WWOX: variants seen among roughly 807,000 people sequenced by gnomAD.
WWOX encodes WW domain containing oxidoreductase.
Under a neutral mutation model 46.2 loss-of-function variants are expected in WWOX, and 69 were observed. That is an observed-to-expected ratio of 1.49 (90% CI 1.23 to 1.82). WWOX has a LOEUF of 1.82. WWOX is among the 40% of genes most tolerant of loss of function. The pLI, the probability that WWOX is intolerant of heterozygous loss-of-function variation, is 0.00. For synonymous variants in WWOX, 359 were observed against 202.6 expected, an observed-to-expected ratio of 1.77 and a Z score of -6.56; for missense variants, 919 against 542.6, an observed-to-expected ratio of 1.69 and a Z score of -6.89.
intron 8 of WWOX, among the ~76,000 whole-genome samples, chr16:78,554,120 C>T (rs376223369): frequency 6.6e-6 from 1 of 152,144 alleles, no homozygotes; most frequent in Non-Finnish European, 1.5e-5. Context: ...CCCCTTCCCT[C>T]TTATCAGCTT....
At chr16:78,770,291 C>T (rs1031380126) in intron 8 of WWOX, among the ~76,000 whole-genome samples, 2 of 152,026 alleles carry the variant, frequency 1.3e-5, no homozygotes, top group Admixed American at 1.3e-4. Context: ...CCAGCGGTTG[C>T]AGTGAGCTTA....
chr16:78,882,065 G>T (rs2044353807), intron 8 of WWOX, among the ~76,000 whole-genome samples: 2 of 151,930 alleles, frequency 1.3e-5, no homozygotes, highest in Admixed American at 6.6e-5. Context: ...GACGGAGGTT[G>T]CAGCGAGCCG....
At chr16:78,581,062 T>C (rs770815342) in intron 8 of WWOX, among the ~76,000 whole-genome samples, 1 of 152,182 alleles carries the variant, frequency 6.6e-6, no homozygotes, top group Non-Finnish European at 1.5e-5. Context: ...TTAGAGTGGT[T>C]GATTTTTTTT....
chr16:79,013,092 T>G (rs1424046557), intron 8 of WWOX, among the ~76,000 whole-genome samples: 1 of 152,170 alleles, frequency 6.6e-6, no homozygotes, highest in African/African-American at 2.4e-5. Flanking sequence ...ATGCTACCAG[T>G]GAGCAGGAAG....
chr16:78,565,148 G>C lies in WWOX; in HGVS notation c.1056+132396G>C, dbSNP rs78886615. Among the ~76,000 whole-genome samples the C allele has an allele frequency of 2.2e-4, 34 of 152,294 alleles. No individual in the cohort carries two copies. The East Asian group carries it at 5.4e-3, about 24-fold the overall frequency. ...CAGAGTAGAAGGAACTCTGACTTTG[G>C]CATTGGTGCCTCTAAGTTTGAAGTC... On this transcript the variant is annotated intron_variant, in intron 8 of 8. Coordinates refer to ENST00000566780, the MANE Select transcript of WWOX (RefSeq NM_016373.4).
chr16:78,960,203 G>T (rs2046246667), intron 8 of WWOX, among the ~76,000 whole-genome samples: 1 of 152,308 alleles, frequency 6.6e-6, no homozygotes, highest in East Asian at 1.9e-4. Context: ...TACCTGACTT[G>T]TAATGTCTGA....
intron 5 of WWOX, among the ~76,000 whole-genome samples, chr16:78,340,947 G>C (rs534436231): frequency 8.4e-6 from 1 of 119,148 alleles, no homozygotes; most frequent in Non-Finnish European, 2.0e-5. Flanking sequence ...GCTGGGCTGA[G>C]TGGGGAGGGA....
chr16:78,715,540 G>C (rs2048541533), intron 8 of WWOX, among the ~76,000 whole-genome samples: 2 of 151,000 alleles, frequency 1.3e-5, no homozygotes, highest in Admixed American at 6.6e-5. Context: ...CTGGAGTGCA[G>C]TGGTGTGATC....
At chr16:78,912,206 C>G (rs970180751) in intron 8 of WWOX, among the ~76,000 whole-genome samples, 2 of 152,034 alleles carry the variant, frequency 1.3e-5, no homozygotes. Context: ...TTTATAGGAA[C>G]TGAACAAAGC....
intron 8 of WWOX, among the ~76,000 whole-genome samples, chr16:78,467,537 C>T (rs1172963743): frequency 2.0e-5 from 3 of 152,124 alleles, no homozygotes; most frequent in South Asian, 2.1e-4. Context: ...TTAGTTTAAA[C>T]TGACTGTAAT....
At chr16:78,887,063 ATGTGTG>A (rs142882663) in intron 8 of WWOX, among the ~76,000 whole-genome samples, 2 of 30,970 alleles carry the variant, frequency 6.5e-5, no homozygotes, top group African/African-American at 1.2e-4. Context: ...GTCTGGCTAT[ATGTGTG>A]TGTGTGTGGT....
chr16:78,499,228 G>GC (rs1166820648), intron 8 of WWOX, among the ~76,000 whole-genome samples: 2 of 151,786 alleles, frequency 1.3e-5, no homozygotes, highest in Non-Finnish European at 2.9e-5. Flanking sequence ...GCTTTGCTTT[G>GC]GGGGGGTGAG....
chr16:78,852,802 C>G (rs915887576), intron 8 of WWOX, among the ~76,000 whole-genome samples: 1 of 152,218 alleles, frequency 6.6e-6, no homozygotes, highest in Admixed American at 6.5e-5. Context: ...ATGGTTCCAC[C>G]TGTTTCTTGA....
intron 8 of WWOX, among the ~76,000 whole-genome samples, chr16:78,930,277 T>C (rs1278377024): frequency 1.8e-5 from 2 of 108,124 alleles, no homozygotes; most frequent in Non-Finnish European, 4.0e-5. Context: ...CTTTCTCTCT[T>C]TCTTTTTTTA....
chr16:79,144,753 C>T (rs531713730), intron 8 of WWOX, among the ~76,000 whole-genome samples: 158 of 152,272 alleles, frequency 1.0e-3, no homozygotes, highest in Non-Finnish European at 1.7e-3. Flanking sequence ...TCCAAGGTTT[C>T]AGTTATACAT....
At chr16:78,501,326 A>G (rs1877276) in intron 8 of WWOX, among the ~76,000 whole-genome samples, 137,725 of 151,368 alleles carry the variant, frequency 0.91, 63,141 homozygotes, top group Non-Finnish European at 0.97. Context: ...GGCATTCTTT[A>G]TGAAAATCTT....
At chr16:78,697,606 G>C (rs754195609) in intron 8 of WWOX, among the ~76,000 whole-genome samples, 6 of 152,134 alleles carry the variant, frequency 3.9e-5, no homozygotes, top group Non-Finnish European at 5.9e-5. Context: ...TGAATAGACA[G>C]TTCTCAAAAG....
chr16:78,126,430 C>A (rs1005906806), intron 4 of WWOX, among the ~76,000 whole-genome samples: 1 of 152,212 alleles, frequency 6.6e-6, no homozygotes, highest in Non-Finnish European at 1.5e-5. Context: ...ATTTGCCTAT[C>A]TCTGATGATT....
At chr16:78,942,031 C>T (rs545008035) in intron 8 of WWOX, among the ~76,000 whole-genome samples, 1 of 152,272 alleles carries the variant, frequency 6.6e-6, no homozygotes, top group East Asian at 1.9e-4. Flanking sequence ...CTTTCCCACT[C>T]TCTACCTCGC....
Sources: gnomAD v4.1 joint callset for allele counts (sites outside exome capture counted in the v4.1 genomes callset) on GRCh38, gnomAD v4.1.1 for gene constraint, MANE v1.5 for transcripts, NCBI Gene and HGNC (gene_info 2026-07-23, HGNC 2026-07-21) for gene names.